The following ADARB1 variants were observed in gnomAD, a reference collection of about 807,000 sequenced individuals.
The protein encoded by ADARB1 is adenosine deaminase RNA specific B1.
Under a neutral mutation model 52.4 loss-of-function variants are expected in ADARB1, and 10 were observed. That is an observed-to-expected ratio of 0.19 (90% CI 0.12 to 0.32). The LOEUF is 0.32. ADARB1 is among the 10% of genes least tolerant of loss of function. The pLI, the probability that ADARB1 is intolerant of heterozygous loss-of-function variation, is 1.00. For missense variants in ADARB1, 643 were observed against 922.3 expected (o/e 0.70, Z 3.92); for synonymous variants, 349 against 371.1 (o/e 0.94, Z 0.68).
At chr21:45,087,781 A>T (rs575382826) in intron 1 of ADARB1, among the ~76,000 whole-genome samples, 6 of 152,254 alleles carry the variant, frequency 3.9e-5, no homozygotes, top group Non-Finnish European at 8.8e-5. Context: ...TCACTGTAGT[A>T]CAAAGCGGCA....
chr21:45,179,804 C>A (rs1452644324), intron 4 of ADARB1, among the ~76,000 whole-genome samples: 3 of 152,152 alleles, frequency 2.0e-5, no homozygotes, highest in Non-Finnish European at 4.4e-5. Flanking sequence ...GCTTCCTTCA[C>A]TGGATCGCAT....
At chr21:45,096,896 C>G (rs751079178) in intron 1 of ADARB1, among the ~76,000 whole-genome samples, 8 of 152,176 alleles carry the variant, frequency 5.3e-5, no homozygotes, top group Non-Finnish European at 1.2e-4. Flanking sequence ...CCTGCCACCA[C>G]GCCCGGCTAA....
intron 2 of ADARB1, among the ~76,000 whole-genome samples, chr21:45,131,901 C>T (rs1430401764): frequency 2.0e-5 from 3 of 152,150 alleles, no homozygotes; most frequent in Non-Finnish European, 4.4e-5. Flanking sequence ...CGCAGAGCTC[C>T]GCAAGCCTCT....
Position 45,176,511 on chromosome 21 carries a change from T to C in ADARB1, c.810T>C (p.Asp270=). 1 of 1,614,176 alleles carries C rather than the reference T, an allele frequency of 6.2e-7. No individual in the cohort carries two copies. Among genetic ancestry groups the C allele is most frequent in the Non-Finnish European group, 8.5e-7 (1 of 1,180,040 alleles). The change falls in exon 4 of 11, where the codon GAT becomes GAC. Residue 270 remains aspartate, a synonymous_variant. Coordinates refer to ENST00000348831, the MANE Select transcript of ADARB1 (RefSeq NM_001112.4). The surrounding 1 kb of genome is among the most constrained non-coding windows in gnomAD (Gnocchi z 5.8). ...GCTTCGTCATGTCTGTGGTCGTGGATGGTCAGTTCTTTGAAGGCTCGGGGA... is the reference window on the plus strand; with the variant it reads ...GCTTCGTCATGTCTGTGGTCGTGGACGGTCAGTTCTTTGAAGGCTCGGGGA... The part of the protein sequence containing the change: ...AKSFVMSVVV[D]GQFFEGSGRN...
In ADARB1 at chr21:45,143,181, C is replaced by T. The variant is rs548645502; in HGVS notation, c.-48+14608C>T. ...TCCCTGCTTCTTCCTCTCCTAACCT[C>T]CTGGCACTGTGCTCCTCACTCAGGA... On this transcript the variant is annotated intron_variant, in intron 2 of 10. Coordinates refer to ENST00000348831, the MANE Select transcript of ADARB1 (RefSeq NM_001112.4). Among the ~76,000 whole-genome samples the T allele has an allele frequency of 2.7e-3, 409 of 152,320 alleles. 1 individual carries two copies. Among genetic ancestry groups the T allele is most frequent in the Admixed American group, 0.011 (169 of 15,296 alleles).
chr21:45,204,548 C>T lies in ADARB1; in HGVS notation c.1566-7C>T, dbSNP rs1192046684. On this transcript the variant is annotated splice_polypyrimidine_tract_variant and splice_region_variant and intron_variant, in intron 8 of 10. Transcript: ENST00000348831. This position sits in a 1 kb window ranked among gnomAD's most constrained non-coding sequence, Gnocchi z 4.4. ...TCCCTGAAGACTGTGCTTTCTTCTC[C>T]CTCCAGCTGGAACGTGGTGGGCATC... The T allele has an allele frequency of 6.2e-7, 1 of 1,613,802 alleles. No individual in the cohort carries two copies.
At chr21:45,155,621 C>CCCATGCATCCATCATCCATCTCT (rs1020086085) in intron 2 of ADARB1, among the ~76,000 whole-genome samples, 5 of 151,268 alleles carry the variant, frequency 3.3e-5, no homozygotes, top group Admixed American at 6.6e-5. Flanking sequence ...CACCCATCTA[C>CCCATGCATCCATCATCCATCTCT]CCATGCATCC....
chr21:45,111,052 C>T (rs1360609670), intron 1 of ADARB1, among the ~76,000 whole-genome samples: 1 of 152,100 alleles, frequency 6.6e-6, no homozygotes, highest in Non-Finnish European at 1.5e-5. Context: ...TGTTGAGAAG[C>T]GTTACGCAAG....
intron 1 of ADARB1, chr21:45,118,730 A>G (rs956509124): frequency 1.3e-5 from 2 of 152,046 alleles, no homozygotes; most frequent in East Asian, 1.9e-4. Context: ...CCGCGTGCCC[A>G]TATTGGGATC....
In ADARB1 at chr21:45,076,046, G is replaced by C. The variant is rs563207785; in HGVS notation, c.-220+1253G>C. ...GCTTCGAAAGGTGCCACCCAGAGCT[G>C]CATTTTCCAAAACGCTAGGTTGTCT... On this transcript the variant is annotated intron_variant, in intron 1 of 10. Coordinates refer to ENST00000348831, the MANE Select transcript of ADARB1 (RefSeq NM_001112.4). Among the ~76,000 whole-genome samples, 7 of 152,266 alleles carry C rather than the reference G, an allele frequency of 4.6e-5. No individual in the cohort carries two copies. In the South Asian group the frequency reaches 1.5e-3, roughly 32 times the overall value.
intron 1 of ADARB1, among the ~76,000 whole-genome samples, chr21:45,125,146 A>G (rs1381542409): frequency 1.3e-5 from 2 of 152,182 alleles, no homozygotes; most frequent in Non-Finnish European, 2.9e-5. Flanking sequence ...TAAGCTTACA[A>G]GCTTTTTGGA....
Position 45,178,044 on chromosome 21 carries a change from C to T in ADARB1, c.963+1380C>T, listed in dbSNP as rs143614872. ...TTGCTAAAATATTAAAGCCTGAGTT[C>T]AAAATATTGTCTGATGTGACTTGTC... On this transcript the variant is annotated intron_variant, in intron 4 of 10. Transcript: ENST00000348831. Among the ~76,000 whole-genome samples, 1,441 of 152,120 alleles carry T rather than the reference C, an allele frequency of 9.5e-3. 25 individuals are homozygous for T. Among genetic ancestry groups the T allele is most frequent in the Non-Finnish European group, 0.011 (717 of 68,000 alleles).
rs117195605 is a variant in ADARB1, at chr21:45,176,704, G to A, written c.963+40G>A. Reference sequence around the variant, plus strand: ...TGCTGCTTTAAAACACGGGGTCATTGCTCTTGGTAATGCTTCTAGACAGCA... The same window carrying A: ...TGCTGCTTTAAAACACGGGGTCATTACTCTTGGTAATGCTTCTAGACAGCA... On this transcript the variant is annotated intron_variant, in intron 4 of 10. Transcript: ENST00000348831. This position sits in a 1 kb window ranked among gnomAD's most constrained non-coding sequence, Gnocchi z 5.8. The A allele has an allele frequency of 1.6e-3, 2,473 of 1,540,444 alleles. 2 individuals carry two copies. The highest frequency in any genetic ancestry group is 2.0e-3 in the Non-Finnish European group (2,316 of 1,139,218).
chr21:45,191,411 T>C (rs1277346379), intron 8 of ADARB1, among the ~76,000 whole-genome samples: 1 of 152,208 alleles, frequency 6.6e-6, no homozygotes, highest in Admixed American at 6.5e-5. Context: ...CAGTTTTTCC[T>C]ACAGGGTTTT....
intron 8 of ADARB1, among the ~76,000 whole-genome samples, chr21:45,194,865 AGC>A (rs2092390403): frequency 6.6e-6 from 1 of 152,244 alleles, no homozygotes; most frequent in African/African-American, 2.4e-5. Context: ...TTACAAATAA[AGC>A]AGCTATAAAT....
chr21:45,096,815 C>G (rs1425535156), intron 1 of ADARB1, among the ~76,000 whole-genome samples: 1 of 152,246 alleles, frequency 6.6e-6, no homozygotes, highest in Non-Finnish European at 1.5e-5. Context: ...TGCAGTGGCA[C>G]TGCCAGCTCT....
intron 8 of ADARB1, among the ~76,000 whole-genome samples, chr21:45,189,362 T>G (rs2092215071): frequency 6.6e-6 from 1 of 152,220 alleles, no homozygotes; most frequent in African/African-American, 2.4e-5. Context: ...CTTTACTTCT[T>G]TACTTCCACC....
intron 2 of ADARB1, among the ~76,000 whole-genome samples, chr21:45,143,407 G>T (rs564445969): frequency 6.6e-6 from 1 of 152,342 alleles, no homozygotes; most frequent in South Asian, 2.1e-4. Context: ...GCTGAAGGTG[G>T]CCTATCCTTT....
chr21:45,111,257 T>A (rs1396248501), intron 1 of ADARB1, among the ~76,000 whole-genome samples: 2 of 152,216 alleles, frequency 1.3e-5, no homozygotes, highest in Non-Finnish European at 2.9e-5. Flanking sequence ...TCCTGCAACC[T>A]GTTTGTTTGG....
Sources: allele counts gnomAD v4.1 joint callset (sites outside exome capture counted in the v4.1 genomes callset), GRCh38; gene constraint gnomAD v4.1.1; non-coding constraint Gnocchi (gnomAD v3.1); transcripts MANE v1.5; gene names NCBI Gene and HGNC (gene_info 2026-07-23, HGNC 2026-07-21).